TTC7B: variants seen among roughly 807,000 people sequenced by gnomAD.
TTC7B encodes tetratricopeptide repeat domain 7B.
In TTC7B, 28 loss-of-function variants were observed where a neutral mutation model predicts 106.8. The observed-to-expected ratio is 0.26, with a 90% CI of 0.19 to 0.36. The LOEUF is 0.36. Among genes scored for constraint, TTC7B ranks in the 10% least tolerant of loss-of-function variants. The pLI, the probability that TTC7B is intolerant of heterozygous loss-of-function variation, is 1.00. For missense variants in TTC7B, 862 were observed against 1,076.4 expected (o/e 0.80, Z 2.79); for synonymous variants, 405 against 430.6 (o/e 0.94, Z 0.74).
chr14:90,709,419 A>T (rs1888343939), intron 5 of TTC7B, among the ~76,000 whole-genome samples: 1 of 150,864 alleles, frequency 6.6e-6, no homozygotes, highest in Non-Finnish European at 1.5e-5. Context: ...CATCATTCTC[A>T]GCAAACTATC....
chr14:90,779,992 G>A (rs1360607111), intron 3 of TTC7B, among the ~76,000 whole-genome samples: 2 of 152,222 alleles, frequency 1.3e-5, no homozygotes, highest in African/African-American at 4.8e-5. Flanking sequence ...CATCAGCCAT[G>A]TGGCCAACTG....
At chr14:90,568,713 T>C (rs1890898187) in intron 19 of TTC7B, among the ~76,000 whole-genome samples, 1 of 151,884 alleles carries the variant, frequency 6.6e-6, no homozygotes, top group Non-Finnish European at 1.5e-5. Context: ...AAGCAGAAAA[T>C]GTCTGCAGAG....
intron 4 of TTC7B, among the ~76,000 whole-genome samples, chr14:90,736,886 T>C (rs1398200527): frequency 1.7e-5 from 2 of 115,494 alleles, no homozygotes. Context: ...AGCAAGACCA[T>C]GTCTCTTAAA....
chr14:90,576,343 G>A, intron 19 of TTC7B, among the ~76,000 whole-genome samples: 1 of 152,266 alleles, frequency 6.6e-6, no homozygotes, highest in South Asian at 2.1e-4. Flanking sequence ...TAAAAGCCAT[G>A]TAGTATTTTT....
chr14:90,784,478 G>A (rs1228483386), intron 2 of TTC7B, among the ~76,000 whole-genome samples: 1 of 152,064 alleles, frequency 6.6e-6, no homozygotes, highest in East Asian at 1.9e-4. Flanking sequence ...AATGGCATGA[G>A]CGCGGGAGGC....
intron 3 of TTC7B, among the ~76,000 whole-genome samples, chr14:90,745,297 CA>C (rs71461925): frequency 0.5 from 54,083 of 108,556 alleles, 10,594 homozygotes; most frequent in Middle Eastern, 0.64. Flanking sequence ...CCCTGTCTCC[CA>C]AAAAAAAAAA....
Position 90,786,162 on chromosome 14 carries a change from G to A in TTC7B, c.276+12C>T, listed in dbSNP as rs764380840. 17 of 1,526,428 alleles carry A rather than the reference G, an allele frequency of 1.1e-5. No homozygotes were observed. In the South Asian group the frequency reaches 2.1e-4, roughly 19 times the overall value. The allele number at this position is 1,526,428 out of a possible 1,614,324, so 94.6% of individuals were successfully genotyped here. A position where few individuals can be genotyped will look rare whatever the true frequency, so the allele number is the denominator to read the frequency against. On this transcript the variant is annotated intron_variant, in intron 2 of 19. Transcript: ENST00000328459. ...AAAGGAAGTGTCGCCTCAGCCCAGAGGCCCATGGTACCTTAAGGTTCCCTC... is the reference window on the plus strand; with the variant it reads ...AAAGGAAGTGTCGCCTCAGCCCAGAAGCCCATGGTACCTTAAGGTTCCCTC...
intron 15 of TTC7B, 64 bp from the exon 16 acceptor site, chr14:90,618,109 A>T: frequency 8.1e-7 from 1 of 1,239,084 alleles, no homozygotes; most frequent in East Asian, 2.4e-5. Flanking sequence ...CATCCCAGCA[A>T]GACAAGTGGT....
chr14:90,767,543 T>C (rs1595360609), intron 3 of TTC7B, among the ~76,000 whole-genome samples: 1 of 152,190 alleles, frequency 6.6e-6, no homozygotes, highest in East Asian at 1.9e-4. Flanking sequence ...CTTCTTTCTC[T>C]CACCCTCTCA....
chr14:90,626,123 A>C (rs1158230403), intron 15 of TTC7B, among the ~76,000 whole-genome samples: 1 of 152,160 alleles, frequency 6.6e-6, no homozygotes, highest in African/African-American at 2.4e-5. Context: ...GCTCTCATTC[A>C]TAACTCTCCA....
chr14:90,700,899 G>A (rs1490229174), intron 5 of TTC7B, among the ~76,000 whole-genome samples: 1 of 151,706 alleles, frequency 6.6e-6, no homozygotes, highest in East Asian at 2.0e-4. Context: ...TGGAAAGTGG[G>A]AGAAGAACAG....
intron 2 of TTC7B, among the ~76,000 whole-genome samples, chr14:90,784,401 CA>C (rs1298321750): frequency 1.3e-5 from 2 of 151,846 alleles, no homozygotes; most frequent in Non-Finnish European, 2.9e-5. Context: ...ACTAAAAATA[CA>C]AAAAATTAGC....
chr14:90,787,834 A>G (rs1258712458), intron 1 of TTC7B, among the ~76,000 whole-genome samples: 1 of 152,204 alleles, frequency 6.6e-6, no homozygotes, highest in East Asian at 1.9e-4. Context: ...GAGTTCAGGT[A>G]CTGAACTCAA....
At chr14:90,709,979 C>CGA (rs1888376730) in intron 5 of TTC7B, among the ~76,000 whole-genome samples, 1 of 60,376 alleles carries the variant, frequency 1.7e-5, no homozygotes, top group African/African-American at 6.2e-5. Context: ...CCTTATGTGC[C>CGA]AGAAAAAAAA....
rs575919271 is a variant in TTC7B, at chr14:90,527,701, A to G, written c.*13667T>C. The G allele has an allele frequency of 2.6e-5, 4 of 151,874 alleles. No homozygotes were observed. In the East Asian group the frequency reaches 7.9e-4, roughly 30 times the overall value. 9.4% of individuals were successfully genotyped at this position (151,874 alleles called of 1,614,324 possible). On this transcript the variant is annotated 3_prime_UTR_variant, in exon 20 of 20. Transcript: ENST00000328459. ...CAGCCTCCCGAGTAGCTGGGACTACAGGTGTCTGCCACCATGCCCAGCTAA... is the reference window on the plus strand; with the variant it reads ...CAGCCTCCCGAGTAGCTGGGACTACGGGTGTCTGCCACCATGCCCAGCTAA...
chr14:90,585,083 A>C (rs567340713), intron 18 of TTC7B, among the ~76,000 whole-genome samples: 123 of 152,262 alleles, frequency 8.1e-4, no homozygotes, highest in Middle Eastern at 6.8e-3. Context: ...TCCTACCCTG[A>C]GCTTCCCTCG....
intron 15 of TTC7B, among the ~76,000 whole-genome samples, chr14:90,626,701 A>C (rs563053733): frequency 6.6e-6 from 1 of 152,316 alleles, no homozygotes; most frequent in South Asian, 2.1e-4. Context: ...ATGCCAGCTT[A>C]TGGGCTGCCA....
chr14:90,704,220 C>T (rs896358081), intron 5 of TTC7B, among the ~76,000 whole-genome samples: 2 of 152,242 alleles, frequency 1.3e-5, no homozygotes, highest in Non-Finnish European at 2.9e-5. Flanking sequence ...CCATCCGGCC[C>T]TTCATTCCAC....
chr14:90,736,282 T>TA (rs869125268), intron 4 of TTC7B, among the ~76,000 whole-genome samples: 4 of 151,984 alleles, frequency 2.6e-5, no homozygotes, highest in East Asian at 3.9e-4. Flanking sequence ...TCTGTTTTTT[T>TA]AAAAAAAGGG....
Sources: gnomAD v4.1 joint callset for allele counts (sites outside exome capture counted in the v4.1 genomes callset) on GRCh38, gnomAD v4.1.1 for gene constraint, MANE v1.5 for transcripts, NCBI Gene and HGNC (gene_info 2026-07-23, HGNC 2026-07-21) for gene names.